RELL1: variants seen among roughly 807,000 people sequenced by gnomAD.
The protein encoded by RELL1 is RELT like 1, also known as RELT-like protein 1.
RELL1 carries 10 observed loss-of-function variants against 23.0 expected under a neutral mutation model. The observed-to-expected ratio is 0.43, with a 90% CI of 0.27 to 0.74. The LOEUF (loss-of-function observed/expected upper bound fraction) is 0.74, where lower values mean the gene tolerates loss of function less well. Ranked by LOEUF, RELL1 falls within the 30% of genes least tolerant of loss-of-function variation. The pLI is 0.19. For synonymous variants in RELL1, 146 were observed against 146.8 expected (o/e 0.99, Z 0.04); for missense variants, 315 against 364.4 (o/e 0.86, Z 1.10).
intron 1 of RELL1, among the ~76,000 whole-genome samples, chr4:37,672,551 T>G (rs1288639791): frequency 6.6e-6 from 1 of 152,088 alleles, no homozygotes; most frequent in Non-Finnish European, 1.5e-5. Flanking sequence ...CGGCAACAGA[T>G]CAACTACCAT....
At chr4:37,663,917 ATGATATACGAT>A (rs1467750506) in intron 1 of RELL1, among the ~76,000 whole-genome samples, 1 of 152,174 alleles carries the variant, frequency 6.6e-6, no homozygotes, top group Non-Finnish European at 1.5e-5. Flanking sequence ...CAATGACCCT[ATGATATACGAT>A]TAACACTGGA....
chr4:37,604,844 C>CACACATACACACAG lies in RELL1; in HGVS notation c.*4-13628_*4-13627insCTGTGTGTATGTGT, dbSNP rs1299329457. 7.2e-3 allele frequency among the ~76,000 whole-genome samples: 894 copies of CACACATACACACAG among 124,534 alleles called. 58 individuals are homozygous for CACACATACACACAG. The highest frequency in any genetic ancestry group is 0.03 in the African/African-American group (835 of 27,636). The allele number at this position is 124,534 out of a possible 152,430, so 81.7% of individuals were successfully genotyped here. ...ACAGACACACACATACACACAGACA[C>CACACATACACACAG]ACACACAGACACACACACACAGACA... On this transcript the variant is annotated intron_variant, in intron 6 of 6. Coordinates refer to the RELL1 transcript ENST00000314117.
chr4:37,614,929 C>T (rs1719527238), intron 6 of RELL1, among the ~76,000 whole-genome samples: 1 of 152,126 alleles, frequency 6.6e-6, no homozygotes, highest in African/African-American at 2.4e-5. Flanking sequence ...GTGTTTTGCA[C>T]AGATTTGACC....
At chr4:37,605,831 GAAAGAAAGAAAGAAGGA>G (rs1447168596), downstream of RELL1, among the ~76,000 whole-genome samples, 25 of 111,922 alleles carry the variant, frequency 2.2e-4, no homozygotes, top group Non-Finnish European at 3.2e-4. Flanking sequence ...AAGAAAGAAA[GAAAGAAAGAAAGAAGGA>G]AAAGAAAAGA....
In RELL1 at chr4:37,660,888, A is replaced by G. The variant is rs574631654; in HGVS notation, c.89-11388T>C. On this transcript the variant is annotated intron_variant, in intron 1 of 6. Coordinates refer to ENST00000454158, the MANE Select transcript of RELL1 (RefSeq NM_001085400.2). ...CTACTAAAAATATAACAGATTAGCC[A>G]GGCATGGTGGCGGGCGCCTGTTGTC... 2.0e-4 allele frequency among the ~76,000 whole-genome samples: 31 copies of G among 152,192 alleles called. 1 individual carries two copies. The highest frequency in any genetic ancestry group is 1.2e-3 in the Admixed American group (18 of 15,304).
chr4:37,611,854 G>C lies in RELL1; in HGVS notation c.*1492C>G, dbSNP rs144279687. ...AATACACAAAGAAAAACATGCCAGA[G>C]GTAGGTGCAGGCCCATCTTATATGA... On this transcript the variant is annotated 3_prime_UTR_variant, in exon 7 of 7. Coordinates refer to ENST00000454158, the MANE Select transcript of RELL1 (RefSeq NM_001085400.2). Among the ~76,000 whole-genome samples the C allele has an allele frequency of 6.3e-3, 958 of 152,246 alleles. 2 individuals are homozygous for C. Among genetic ancestry groups the C allele is most frequent in the Middle Eastern group, 0.014 (4 of 294 alleles).
At chr4:37,686,160 G>A in intron 1 of RELL1, 40 bp downstream of exon 1, 1 of 1,523,154 alleles carries the variant, frequency 6.6e-7, no homozygotes, top group Non-Finnish European at 8.8e-7. Flanking sequence ...CCCGGGACCG[G>A]GCTCAGCACC....
intron 1 of RELL1, among the ~76,000 whole-genome samples, chr4:37,675,076 T>C (rs541624662): frequency 5.3e-5 from 8 of 152,352 alleles, no homozygotes; most frequent in South Asian, 2.1e-4. Context: ...TAATGACATG[T>C]AAACTGAATT....
intron 6 of RELL1, among the ~76,000 whole-genome samples, chr4:37,599,334 T>C (rs1718958931): frequency 6.6e-6 from 1 of 152,036 alleles, no homozygotes; most frequent in South Asian, 2.1e-4. Context: ...CCTGAGGAGT[T>C]TGGGGCTAGG....
downstream of RELL1, chr4:37,590,525 T>G: frequency 6.2e-7 from 1 of 1,614,086 alleles, no homozygotes; most frequent in Non-Finnish European, 8.5e-7. Context: ...GGGACCCAAG[T>G]CATGAGAAAT....
chr4:37,634,638 G>T (rs1478351191), intron 5 of RELL1, among the ~76,000 whole-genome samples: 1 of 152,158 alleles, frequency 6.6e-6, no homozygotes, highest in African/African-American at 2.4e-5. Context: ...GAAAATCTGG[G>T]CTTTATCTGT....
At chr4:37,682,956 T>A (rs1202332298) in intron 1 of RELL1, among the ~76,000 whole-genome samples, 1 of 152,178 alleles carries the variant, frequency 6.6e-6, no homozygotes, top group Non-Finnish European at 1.5e-5. Context: ...CTTAAGGACA[T>A]TAATAAGCCA....
intron 6 of RELL1, among the ~76,000 whole-genome samples, chr4:37,624,019 G>A (rs1281427575): frequency 1.3e-5 from 2 of 152,200 alleles, no homozygotes; most frequent in Non-Finnish European, 2.9e-5. Flanking sequence ...TGAGAGGACT[G>A]CAAATCAAGC....
chr4:37,678,922 G>A (rs1297009856), intron 1 of RELL1, among the ~76,000 whole-genome samples: 1 of 152,200 alleles, frequency 6.6e-6, no homozygotes, highest in East Asian at 1.9e-4. Context: ...GGAGGATCAG[G>A]TAGGGCTGGC....
At chr4:37,604,900 GAC>G (rs1483293891) in intron 6 of RELL1, among the ~76,000 whole-genome samples, 1,088 of 65,574 alleles carry the variant, frequency 0.017, 66 homozygotes, top group African/African-American at 0.076. Context: ...CACACACACA[GAC>G]ACACACACAC....
intron 1 of RELL1, among the ~76,000 whole-genome samples, chr4:37,682,987 T>C (rs1281618616): frequency 6.6e-6 from 1 of 152,176 alleles, no homozygotes. Context: ...AATCATCCCT[T>C]TGGGTGCTTG....
At chr4:37,658,340 G>A (rs1433301956) in intron 1 of RELL1, among the ~76,000 whole-genome samples, 2 of 152,296 alleles carry the variant, frequency 1.3e-5, no homozygotes, top group Admixed American at 6.5e-5. Flanking sequence ...AGTTTAGGGT[G>A]AGATGGCTCC....
intron 6 of RELL1, among the ~76,000 whole-genome samples, chr4:37,626,987 T>C (rs956114884): frequency 6.6e-6 from 1 of 152,192 alleles, no homozygotes; most frequent in Admixed American, 6.5e-5. Flanking sequence ...CAATGTATCA[T>C]ATTCTTAAAA....
intron 1 of RELL1, among the ~76,000 whole-genome samples, chr4:37,663,491 A>G (rs1404164518): frequency 2.6e-5 from 4 of 152,274 alleles, no homozygotes; most frequent in Non-Finnish European, 5.9e-5. Context: ...GGTACGTCAT[A>G]AAGAATGAGT....
Sources: gnomAD v4.1 joint callset for allele counts (sites outside exome capture counted in the v4.1 genomes callset) on GRCh38, gnomAD v4.1.1 for gene constraint, MANE v1.5 for transcripts, NCBI Gene and HGNC (gene_info 2026-07-23, HGNC 2026-07-21) for gene names.